MCC: variants seen among roughly 807,000 people sequenced by gnomAD.
MCC encodes MCC regulator of Wnt signaling pathway.
MCC carries 90 observed loss-of-function variants against 116.2 expected under a neutral mutation model. That is an observed-to-expected ratio of 0.77 (90% CI 0.65 to 0.92). MCC has a LOEUF of 0.92. Ranked by LOEUF, MCC falls within the 40% of genes least tolerant of loss-of-function variation. MCC has a pLI of 0.00. For missense variants in MCC, 1,516 were observed against 1,312.2 expected (o/e 1.16, Z -2.40); for synonymous variants, 578 against 510.5 (o/e 1.13, Z -1.78).
intron 3 of MCC, among the ~76,000 whole-genome samples, chr5:113,289,646 T>C (rs1766408693): frequency 1.3e-5 from 2 of 152,284 alleles, no homozygotes; most frequent in East Asian, 1.9e-4. Flanking sequence ...GGGATGCCCA[T>C]GTTGAAGAGA....
chr5:113,200,435 C>T (rs751451246), intron 3 of MCC, among the ~76,000 whole-genome samples: 7 of 152,164 alleles, frequency 4.6e-5, no homozygotes, highest in Non-Finnish European at 7.3e-5. Flanking sequence ...TACATCACTG[C>T]CTGCCTGCTG....
At chr5:113,372,226 A>C (rs1355018501) in intron 2 of MCC, among the ~76,000 whole-genome samples, 1 of 152,216 alleles carries the variant, frequency 6.6e-6, no homozygotes, top group Non-Finnish European at 1.5e-5. Context: ...TGCTGACTAA[A>C]ATGAAGTGAT....
At chr5:113,080,419 A>G (rs1420190831) in intron 11 of MCC, among the ~76,000 whole-genome samples, 1 of 152,224 alleles carries the variant, frequency 6.6e-6, no homozygotes, top group Non-Finnish European at 1.5e-5. Flanking sequence ...TCCATCAATG[A>G]TAGACTGCAT....
chr5:113,305,171 T>A (rs1370831659), intron 3 of MCC, among the ~76,000 whole-genome samples: 1 of 152,144 alleles, frequency 6.6e-6, no homozygotes, highest in Non-Finnish European at 1.5e-5. Context: ...ATGGATGGAC[T>A]GCTATGGTAG....
intron 2 of MCC, among the ~76,000 whole-genome samples, chr5:113,380,912 C>G (rs1769103300): frequency 6.6e-6 from 1 of 152,200 alleles, no homozygotes. Flanking sequence ...GAGATCAACT[C>G]AGAGTGGGTG....
At chr5:113,385,438 A>G (rs13182359) in intron 1 of MCC, among the ~76,000 whole-genome samples, 14,369 of 152,174 alleles carry the variant, frequency 0.094, 990 homozygotes, top group Non-Finnish European at 0.12. Context: ...GCAACTTTTA[A>G]TCTTTTGTTC....
intron 3 of MCC, among the ~76,000 whole-genome samples, chr5:113,201,435 G>A (rs1173400521): frequency 1.3e-5 from 2 of 150,914 alleles, no homozygotes; most frequent in Non-Finnish European, 2.9e-5. Context: ...CCACAGCAGT[G>A]TGGTATCCCA....
At chr5:113,157,735 G>T (rs2150295189) in intron 3 of MCC, among the ~76,000 whole-genome samples, 1 of 152,342 alleles carries the variant, frequency 6.6e-6, no homozygotes. Flanking sequence ...AATGGAGGGA[G>T]GTCTGCTCCA....
At chr5:113,250,799 C>T (rs560145386) in intron 3 of MCC, among the ~76,000 whole-genome samples, 3 of 152,282 alleles carry the variant, frequency 2.0e-5, no homozygotes, top group East Asian at 3.9e-4. Context: ...ATTCCACTCC[C>T]TCTACTTCCT....
chr5:113,453,232 C>A (rs1580395369), intron 1 of MCC, among the ~76,000 whole-genome samples: 1 of 152,112 alleles, frequency 6.6e-6, no homozygotes, highest in Admixed American at 6.6e-5. Flanking sequence ...TGAAACTCCT[C>A]CAATGCCTAA....
chr5:113,135,932 C>T (rs1215005712), intron 5 of MCC, among the ~76,000 whole-genome samples: 1 of 152,052 alleles, frequency 6.6e-6, no homozygotes, highest in African/African-American at 2.4e-5. Flanking sequence ...GTAATCCTAG[C>T]TACTCAGGAG....
In MCC at chr5:113,434,552, G is replaced by A. The variant is rs371096755; in HGVS notation, c.171-49340C>T. Reference sequence around the variant, plus strand: ...GGGTTTTGATTAACTCGAGGAGGTCGCCCTGGACCGCGAGCTCCATGACGA... The same window carrying A: ...GGGTTTTGATTAACTCGAGGAGGTCACCCTGGACCGCGAGCTCCATGACGA... On this transcript the variant is annotated intron_variant, in intron 1 of 18. Transcript: ENST00000408903. This position sits in a 1 kb window ranked among gnomAD's most constrained non-coding sequence, Gnocchi z 4.2. The A allele has an allele frequency of 6.2e-6, 10 of 1,613,436 alleles. No homozygotes were observed. The highest frequency in any genetic ancestry group is 4.4e-5 in the South Asian group (4 of 91,052).
intron 13 of MCC, among the ~76,000 whole-genome samples, chr5:113,066,629 C>G (rs1753621528): frequency 6.6e-6 from 1 of 152,148 alleles, no homozygotes; most frequent in Non-Finnish European, 1.5e-5. Flanking sequence ...GATTCCTGTG[C>G]AAGTCGAAAC....
At chr5:113,416,065 C>T (rs916289090) in intron 1 of MCC, among the ~76,000 whole-genome samples, 1 of 152,154 alleles carries the variant, frequency 6.6e-6, no homozygotes, top group South Asian at 2.1e-4. Flanking sequence ...TGGAGGTCTA[C>T]TCCAGACCCT....
chr5:113,035,854 T>G (rs1751293449), intron 17 of MCC, among the ~76,000 whole-genome samples: 2 of 152,184 alleles, frequency 1.3e-5, no homozygotes, highest in South Asian at 2.1e-4. Flanking sequence ...TCATCCCGTT[T>G]CCTTCATGGT....
chr5:113,414,723 T>G (rs1770095025), intron 1 of MCC, among the ~76,000 whole-genome samples: 1 of 152,202 alleles, frequency 6.6e-6, no homozygotes, highest in African/African-American at 2.4e-5. Context: ...TTATCCAATT[T>G]GCCAGTCTGT....
At chr5:113,153,444 G>T (rs368749040) in intron 3 of MCC, among the ~76,000 whole-genome samples, 27 of 152,262 alleles carry the variant, frequency 1.8e-4, no homozygotes, top group African/African-American at 6.5e-4. Flanking sequence ...GTCCAGGATG[G>T]GTCACTATCA....
intron 5 of MCC, among the ~76,000 whole-genome samples, chr5:113,132,443 T>TATATAC (rs1258191415): frequency 8.2e-5 from 3 of 36,578 alleles, no homozygotes; most frequent in African/African-American, 1.4e-4. Flanking sequence ...TATATATATA[T>TATATAC]ACACACACAC....
At chr5:113,304,364 C>T (rs1188806414) in intron 3 of MCC, among the ~76,000 whole-genome samples, 1 of 152,116 alleles carries the variant, frequency 6.6e-6, no homozygotes, top group African/African-American at 2.4e-5. Context: ...AACAAAAACC[C>T]AACCTTCTCC....
Sources: gnomAD v4.1 joint callset for allele counts (sites outside exome capture counted in the v4.1 genomes callset) on GRCh38, gnomAD v4.1.1 for gene constraint, Gnocchi (gnomAD v3.1) non-coding constraint, MANE v1.5 for transcripts, NCBI Gene and HGNC (gene_info 2026-07-23, HGNC 2026-07-21) for gene names.